Variants in KIF6 observed in about 807,000 individuals in gnomAD.
The protein encoded by KIF6 is kinesin family member 6.
Under a neutral mutation model 112.7 loss-of-function variants are expected in KIF6, and 106 were observed. That is an observed-to-expected ratio of 0.94 (90% confidence interval 0.80 to 1.11). The LOEUF (loss-of-function observed/expected upper bound fraction) is 1.11, where lower values mean the gene tolerates loss of function less well. Ranked by LOEUF, KIF6 falls within the 50% of genes least tolerant of loss-of-function variation. KIF6 has a pLI of 0.00. For missense variants in KIF6, 929 were observed against 964.0 expected, an observed-to-expected ratio of 0.96 and a Z score of 0.48; for synonymous variants, 339 against 339.9, an observed-to-expected ratio of 1.00 and a Z score of 0.03.
chr6:39,510,697 A>G (rs529473143), intron 13 of KIF6, among the ~76,000 whole-genome samples: 2 of 152,080 alleles, frequency 1.3e-5, no homozygotes, highest in Non-Finnish European at 2.9e-5. Flanking sequence ...ATATAATAAT[A>G]TTAACCTTAA....
rs970568509 is a variant in KIF6, at chr6:39,335,075, C to G, written c.*1457G>C. On this transcript the variant is annotated 3_prime_UTR_variant, in exon 23 of 23. Transcript: ENST00000287152. The stretch of plus-strand genomic sequence containing the variant: ...GAACAGCGACTCTGTGCTTGGGACA[C>G]AGCAATGAGCAAGACAAACAGGTCC... 6.6e-6 allele frequency: 1 copy of G among 152,250 alleles called. No individual in the cohort carries two copies. Among genetic ancestry groups the G allele is most frequent in the Admixed American group, 6.5e-5 (1 of 15,292 alleles). 9.4% of individuals were successfully genotyped at this position (152,250 alleles called of 1,614,324 possible). A position where few individuals can be genotyped will look rare whatever the true frequency, so the allele number is the denominator to read the frequency against.
intron 16 of KIF6, among the ~76,000 whole-genome samples, chr6:39,364,377 C>T (rs1765400072): frequency 6.6e-6 from 1 of 152,132 alleles, no homozygotes; most frequent in Non-Finnish European, 1.5e-5. Flanking sequence ...CCTCGGCCTC[C>T]TAAAGTGTTG....
At chr6:39,462,117 T>C (rs547911112) in intron 13 of KIF6, among the ~76,000 whole-genome samples, 4 of 152,334 alleles carry the variant, frequency 2.6e-5, no homozygotes, top group South Asian at 4.1e-4. Context: ...CATATACCTA[T>C]GTTTCCAGGC....
intron 16 of KIF6, among the ~76,000 whole-genome samples, chr6:39,372,071 C>CCTGAGTTGGGGTAAGGGAGAGAAGA (rs1766046230): frequency 6.6e-6 from 1 of 152,128 alleles, no homozygotes; most frequent in Non-Finnish European, 1.5e-5. Flanking sequence ...TCACAGTTGG[C>CCTGAGTTGGGGTAAGGGAGAGAAGA]CTGAGTTGGG....
chr6:39,507,454 A>G (rs990441177), intron 13 of KIF6, among the ~76,000 whole-genome samples: 1 of 152,108 alleles, frequency 6.6e-6, no homozygotes, highest in Non-Finnish European at 1.5e-5. Flanking sequence ...TGACCTTCCT[A>G]ATAGGCCTAA....
At chr6:39,439,134 G>A (rs770433839) in intron 13 of KIF6, among the ~76,000 whole-genome samples, 6 of 152,152 alleles carry the variant, frequency 3.9e-5, no homozygotes, top group African/African-American at 1.4e-4. Context: ...CAGTTGTTAA[G>A]TGACACAAGA....
chr6:39,498,751 A>C (rs1775937434), intron 13 of KIF6, among the ~76,000 whole-genome samples: 1 of 152,160 alleles, frequency 6.6e-6, no homozygotes, highest in African/African-American at 2.4e-5. Flanking sequence ...AAAATTATAG[A>C]GGAAGAGGAG....
At chr6:39,472,733 T>A (rs566033123) in intron 13 of KIF6, among the ~76,000 whole-genome samples, 1 of 152,356 alleles carries the variant, frequency 6.6e-6, no homozygotes, top group Non-Finnish European at 1.5e-5. Flanking sequence ...CTTTTACAGA[T>A]GAGCCCTGGC....
chr6:39,442,366 CA>C (rs545648037), intron 13 of KIF6, among the ~76,000 whole-genome samples: 79 of 152,304 alleles, frequency 5.2e-4, no homozygotes, highest in Admixed American at 1.6e-3. Context: ...CAGTGGTCCT[CA>C]AGAGCATCTG....
intron 13 of KIF6, among the ~76,000 whole-genome samples, chr6:39,486,529 TG>T (rs1775124446): frequency 6.6e-6 from 1 of 152,224 alleles, no homozygotes; most frequent in African/African-American, 2.4e-5. Context: ...ATAAAATGAT[TG>T]CTGCTTTATA....
At chr6:39,710,999 C>G (rs1400437587) in intron 3 of KIF6, among the ~76,000 whole-genome samples, 1 of 150,566 alleles carries the variant, frequency 6.6e-6, no homozygotes, top group Non-Finnish European at 1.5e-5. Context: ...TGCACTCCAG[C>G]CTGGGCAAAA....
chr6:39,708,485 T>G (rs751931706), intron 3 of KIF6, among the ~76,000 whole-genome samples: 22 of 152,194 alleles, frequency 1.4e-4, no homozygotes, highest in Non-Finnish European at 2.9e-4. Context: ...GTAGTGTAGG[T>G]GCCTTAGCTG....
At position 39,667,737 on chromosome 6, in the gene KIF6, T is replaced by C. The variant is rs186418857; in HGVS notation, c.252-27980A>G. On this transcript the variant is annotated intron_variant, in intron 3 of 22. Transcript: ENST00000287152. ...TGAGTGTAATTACTGAGATTTTAGA[T>C]GTTAGCGATTTTAGACTTTGGGAAT... Among the ~76,000 whole-genome samples, 199 of 152,328 alleles carry C rather than the reference T, an allele frequency of 1.3e-3. 4 individuals carry two copies. The highest frequency in any genetic ancestry group is 1.0e-3 in the Non-Finnish European group (71 of 68,020).
intron 12 of KIF6, among the ~76,000 whole-genome samples, chr6:39,543,925 T>C (rs1012484107): frequency 4.1e-4 from 62 of 152,110 alleles, no homozygotes; most frequent in African/African-American, 1.4e-3. Flanking sequence ...TATTTGGTAC[T>C]GATCAGTTTA....
At position 39,661,393 on chromosome 6, in the gene KIF6, C is replaced by A. The variant is rs373939762; in HGVS notation, c.252-21636G>T. 2.0e-5 allele frequency among the ~76,000 whole-genome samples: 3 copies of A among 152,240 alleles called. No individual in the cohort carries two copies. The South Asian group carries it at 6.2e-4, about 32-fold the overall frequency. ...GTCATACAGCACAAAGTTAAGTACT[C>A]CATAATGTTCCACAAAGATAACCCA... On this transcript the variant is annotated intron_variant, in intron 3 of 22. Transcript: ENST00000287152.
intron 13 of KIF6, among the ~76,000 whole-genome samples, chr6:39,533,238 A>G (rs1778180358): frequency 6.6e-6 from 1 of 152,256 alleles, no homozygotes; most frequent in African/African-American, 2.4e-5. Context: ...GCAAGGGGTC[A>G]GGGAGTTCCC....
chr6:39,404,158 C>G (rs2150343466), intron 15 of KIF6, among the ~76,000 whole-genome samples: 1 of 152,192 alleles, frequency 6.6e-6, no homozygotes, highest in East Asian at 1.9e-4. Context: ...TTTCACAGAC[C>G]AAAAGTAGTT....
chr6:39,641,945 C>T, intron 3 of KIF6, among the ~76,000 whole-genome samples: 1 of 151,968 alleles, frequency 6.6e-6, no homozygotes, highest in East Asian at 1.9e-4. Flanking sequence ...AAGGCTTGAC[C>T]TATATATACT....
intron 13 of KIF6, among the ~76,000 whole-genome samples, chr6:39,499,114 G>A (rs752502323): frequency 6.6e-6 from 1 of 152,226 alleles, no homozygotes; most frequent in Non-Finnish European, 1.5e-5. Context: ...CCTGTGGGCT[G>A]AGCACTGTGC....
Sources: allele counts gnomAD v4.1 joint callset (sites outside exome capture counted in the v4.1 genomes callset), GRCh38; gene constraint gnomAD v4.1.1; transcripts MANE v1.5; gene names NCBI Gene and HGNC (gene_info 2026-07-23, HGNC 2026-07-21).